Variants in TXNDC16 observed in about 807,000 individuals in gnomAD.
The protein encoded by TXNDC16 is thioredoxin domain-containing protein 16.
In TXNDC16, 74 loss-of-function variants were observed where a neutral mutation model predicts 85.6. That is an observed-to-expected ratio of 0.86 (90% confidence interval 0.72 to 1.05). The LOEUF is 1.05. Ranked by LOEUF, TXNDC16 falls within the 50% of genes least tolerant of loss-of-function variation. The pLI, the probability that TXNDC16 is intolerant of heterozygous loss-of-function variation, is 0.00. For missense variants in TXNDC16, 959 were observed against 947.0 expected (o/e 1.01, Z -0.17); for synonymous variants, 335 against 326.5 (o/e 1.03, Z -0.28).
rs115020832 is a variant in TXNDC16, at chr14:52,469,099, C to T, written c.1618+938G>A. Among the ~76,000 whole-genome samples, 616 of 152,092 alleles carry T rather than the reference C, an allele frequency of 4.1e-3. 6 individuals are homozygous for T. The highest frequency in any genetic ancestry group is 0.014 in the African/African-American group (594 of 41,492). On this transcript the variant is annotated intron_variant, in intron 16 of 20. Coordinates refer to ENST00000281741, the MANE Select transcript of TXNDC16 (RefSeq NM_020784.3). ...TGGTGGCTCACATCTGTAATCCCAA[C>T]ACTTCGGCAGGCCAAGATGGGTGGA... is the stretch of plus-strand genomic sequence containing the variant.
At chr14:52,507,738 A>T (rs1170238102) in intron 9 of TXNDC16, among the ~76,000 whole-genome samples, 1 of 152,234 alleles carries the variant, frequency 6.6e-6, no homozygotes, top group African/African-American at 2.4e-5. Context: ...GGAACAGAAC[A>T]GAGCCCTCAG....
intron 6 of TXNDC16, among the ~76,000 whole-genome samples, chr14:52,530,285 A>T (rs2037485484): frequency 2.3e-5 from 1 of 43,430 alleles, no homozygotes; most frequent in Non-Finnish European, 3.4e-5. Flanking sequence ...TTTAATATAT[A>T]ATTATTATAT....
rs370547024 is a variant in TXNDC16, at chr14:52,539,355, G to C, written c.244-1683C>G. ...AGCAGAGGGGAAAATATCTGCAAAG[G>C]CCCTGTGGTTAACAGCACCTCCAGC... On this transcript the variant is annotated intron_variant, in intron 4 of 20. Coordinates refer to ENST00000281741, the MANE Select transcript of TXNDC16 (RefSeq NM_020784.3). 5.8e-4 allele frequency among the ~76,000 whole-genome samples: 89 copies of C among 152,244 alleles called. 2 individuals are homozygous for C. In the South Asian group the frequency reaches 0.018, roughly 30 times the overall value.
intron 16 of TXNDC16, among the ~76,000 whole-genome samples, chr14:52,466,912 TAAAAC>T (rs2035790264): frequency 6.6e-6 from 1 of 150,956 alleles, no homozygotes. Flanking sequence ...TAATGAAGCA[TAAAAC>T]AAGCAGCAGA....
intron 8 of TXNDC16, among the ~76,000 whole-genome samples, chr14:52,512,423 G>T (rs2036977352): frequency 6.6e-6 from 1 of 152,016 alleles, no homozygotes; most frequent in Non-Finnish European, 1.5e-5. Context: ...AAACAAAAAG[G>T]GAGAGAATTC....
intron 9 of TXNDC16, among the ~76,000 whole-genome samples, chr14:52,497,465 C>T (rs953222177): frequency 2.0e-5 from 3 of 152,190 alleles, no homozygotes; most frequent in African/African-American, 7.2e-5. Context: ...TATTTCCAAA[C>T]TCATTTTATG....
At chr14:52,497,556 T>C (rs1481383355) in intron 9 of TXNDC16, among the ~76,000 whole-genome samples, 1 of 152,154 alleles carries the variant, frequency 6.6e-6, no homozygotes, top group African/African-American at 2.4e-5. Context: ...ATATCCCTAA[T>C]GAATATTAAG....
rs758421139 is a variant in TXNDC16 at position 52,469,716 on chromosome 14, T to C, written c.1618+321A>G. On this transcript the variant is annotated intron_variant, in intron 16 of 20. Transcript: ENST00000281741. ...CGACATCACGCCACTGCACTCCAGC[T>C]TGGTGACAGAGCGAGACTCTGTCTC... 2.6e-5 allele frequency among the ~76,000 whole-genome samples: 4 copies of C among 152,228 alleles called. No homozygotes were observed. The South Asian group carries it at 8.3e-4, about 32-fold the overall frequency.
At chr14:52,439,692 A>G (rs1301168012) in intron 19 of TXNDC16, among the ~76,000 whole-genome samples, 3 of 152,234 alleles carry the variant, frequency 2.0e-5, no homozygotes, top group Non-Finnish European at 4.4e-5. Flanking sequence ...CGCAACCAGT[A>G]GTTTCCTTCC....
At chr14:52,466,325 A>C (rs901622687) in intron 16 of TXNDC16, among the ~76,000 whole-genome samples, 2 of 141,158 alleles carry the variant, frequency 1.4e-5, no homozygotes, top group African/African-American at 2.6e-5. Context: ...CCTGGGAGGC[A>C]GAGGTTGCAG....
chr14:52,514,489 A>G (rs2037031331), intron 8 of TXNDC16, among the ~76,000 whole-genome samples: 1 of 152,188 alleles, frequency 6.6e-6, no homozygotes, highest in African/African-American at 2.4e-5. Context: ...CTGTACCTAA[A>G]TACATTTAAG....
chr14:52,467,568 T>C (rs989167956), intron 16 of TXNDC16, among the ~76,000 whole-genome samples: 20 of 152,148 alleles, frequency 1.3e-4, no homozygotes, highest in African/African-American at 3.9e-4. Flanking sequence ...CCCATTAAGA[T>C]GGCTATCATA....
At chr14:52,451,151 A>G (rs1396127027) in intron 18 of TXNDC16, among the ~76,000 whole-genome samples, 1 of 151,750 alleles carries the variant, frequency 6.6e-6, no homozygotes, top group African/African-American at 2.4e-5. Context: ...GGGATAAAAG[A>G]CTATACATTG....
chr14:52,451,862 T>G (rs953067410), intron 18 of TXNDC16, among the ~76,000 whole-genome samples: 3 of 152,066 alleles, frequency 2.0e-5, no homozygotes, highest in African/African-American at 7.2e-5. Context: ...GACAAAGAAA[T>G]AATAGGCATC....
intron 8 of TXNDC16, among the ~76,000 whole-genome samples, chr14:52,513,813 C>A (rs1307121120): frequency 6.6e-6 from 1 of 151,936 alleles, no homozygotes; most frequent in Admixed American, 6.6e-5. Context: ...TGCAATTATT[C>A]ATTAACTAAA....
At chr14:52,517,783 A>C (rs1049206190) in intron 7 of TXNDC16, among the ~76,000 whole-genome samples, 5 of 152,182 alleles carry the variant, frequency 3.3e-5, no homozygotes, top group Admixed American at 6.5e-5. Context: ...TTTTCAAAAA[A>C]TTATTCTCCT....
intron 9 of TXNDC16, among the ~76,000 whole-genome samples, chr14:52,510,730 C>T (rs935183397): frequency 2.6e-5 from 4 of 152,182 alleles, no homozygotes; most frequent in African/African-American, 7.2e-5. Context: ...TTCAACTTTT[C>T]GGAGAGAACA....
intron 9 of TXNDC16, among the ~76,000 whole-genome samples, chr14:52,494,510 T>A (rs1471967020): frequency 6.6e-6 from 1 of 151,696 alleles, no homozygotes; most frequent in Non-Finnish European, 1.5e-5. Context: ...CCTAGATGAG[T>A]GAAATACCCT....
At chr14:52,442,261 C>T (rs1472443308) in intron 18 of TXNDC16, among the ~76,000 whole-genome samples, 2 of 152,162 alleles carry the variant, frequency 1.3e-5, no homozygotes, top group Non-Finnish European at 2.9e-5. Context: ...CCTCTGGATA[C>T]ACCTGCGAGC....
Sources: gnomAD v4.1 joint callset for allele counts (sites outside exome capture counted in the v4.1 genomes callset) on GRCh38, gnomAD v4.1.1 for gene constraint, MANE v1.5 for transcripts, NCBI Gene and HGNC (gene_info 2026-07-23, HGNC 2026-07-21) for gene names.